The following C1QTNF1 variants were observed in gnomAD, a reference collection of about 807,000 sequenced individuals.
C1QTNF1 encodes the protein complement C1q tumor necrosis factor-related protein 1.
C1QTNF1 carries 22 observed loss-of-function variants against 27.8 expected under a neutral mutation model. The ratio of observed to expected loss-of-function variants is 0.79; its 90% CI spans 0.56 to 1.13. The LOEUF (loss-of-function observed/expected upper bound fraction) is 1.13, where lower values mean the gene tolerates loss of function less well. C1QTNF1 is among the 50% of genes most tolerant of loss of function. The pLI, the probability that C1QTNF1 is intolerant of heterozygous loss-of-function variation, is 0.00. For synonymous variants in C1QTNF1, 166 were observed against 154.3 expected, an observed-to-expected ratio of 1.08 and a Z score of -0.56; for missense variants, 373 against 380.2, an observed-to-expected ratio of 0.98 and a Z score of 0.16.
chr17:79,034,772 C>T (rs2072226023), intron 1 of C1QTNF1, among the ~76,000 whole-genome samples: 2 of 152,092 alleles, frequency 1.3e-5, no homozygotes, highest in Non-Finnish European at 2.9e-5. Context: ...AAAAACAAAC[C>T]CTCCTTCTGC....
intron 1 of C1QTNF1, among the ~76,000 whole-genome samples, chr17:79,042,731 C>T (rs550856427): frequency 5.3e-5 from 8 of 152,326 alleles, no homozygotes; most frequent in African/African-American, 1.9e-4. Flanking sequence ...CTGATGGACT[C>T]TCCTTCCCGA....
At position 79,048,046 on chromosome 17, in the gene C1QTNF1, C is replaced by T. The variant is rs772272672; in HGVS notation, c.804C>T (p.Ile268=). ...TCAGCGAGGAGCTGGACACCTACAT[C>T]ACCTTCAGTGGCTACCTGGTCAAGC... ...AIFSEELDTY[I]TFSGYLVKHA... Residue 268 remains isoleucine (I), a synonymous_variant, in exon 4 of 4, where the codon ATC becomes ATT. Coordinates refer to ENST00000579760, the MANE Select transcript of C1QTNF1 (RefSeq NM_030968.5). 4.4e-6 allele frequency: 7 copies of T among 1,590,840 alleles called. No homozygotes were observed. Among genetic ancestry groups the T allele is most frequent in the Non-Finnish European group, 5.1e-6 (6 of 1,171,422 alleles).
intron 1 of C1QTNF1, among the ~76,000 whole-genome samples, chr17:79,039,119 T>A (rs1811528382): frequency 6.6e-6 from 1 of 150,566 alleles, no homozygotes; most frequent in African/African-American, 2.4e-5. Context: ...GGAAAATCCC[T>A]TTGCTAGACT....
At chr17:79,024,023 C>T (rs2071845667), upstream of C1QTNF1, 1 of 152,776 alleles carries the variant, frequency 6.5e-6, no homozygotes, top group South Asian at 2.1e-4. Context: ...CCCACCCCCA[C>T]TCTCAGCCTG....
At chr17:79,031,535 C>T (rs1471432423) in intron 1 of C1QTNF1, among the ~76,000 whole-genome samples, 1 of 152,120 alleles carries the variant, frequency 6.6e-6, no homozygotes, top group Admixed American at 6.5e-5. Flanking sequence ...GCATCCTCGC[C>T]TCCCAGGTTC....
Position 79,048,519 on chromosome 17 carries a change from T to TAGAGAGA in C1QTNF1, c.*431_*432insAGAGAGA, listed in dbSNP as rs1306691075. The TAGAGAGA allele has an allele frequency of 1.9e-5, 3 of 154,870 alleles. No individual in the cohort carries two copies. The highest frequency in any genetic ancestry group is 4.1e-5 in the Non-Finnish European group (3 of 72,894). The allele number at this position is 154,870 out of a possible 1,614,324, so 9.6% of individuals were successfully genotyped here. On this transcript the variant is annotated 3_prime_UTR_variant, in exon 4 of 4. Transcript: ENST00000579760. ...ATTTTTGTCTTTCCAGCCAGCCTGC[T>TAGAGAGA]GGCTCCCAAGAGAGAGGCCTTTTCA...
At position 79,033,297 on chromosome 17, in the gene C1QTNF1, T is replaced by C. The variant is rs542071236; in HGVS notation, c.-15+8803T>C. Among the ~76,000 whole-genome samples the C allele has an allele frequency of 2.2e-4, 33 of 152,250 alleles. No homozygotes were observed. In the East Asian group the frequency reaches 6.2e-3, roughly 29 times the overall value. On this transcript the variant is annotated intron_variant, in intron 1 of 3. Transcript: ENST00000579760. Reference sequence around the variant, plus strand: ...ATTTTGTTTAACTGACATAGCTCCATGTGGCTCGTAGCCACTGTACTGACT... The same window carrying C: ...ATTTTGTTTAACTGACATAGCTCCACGTGGCTCGTAGCCACTGTACTGACT...
chr17:79,045,895 G>A (rs1255213279), intron 2 of C1QTNF1, among the ~76,000 whole-genome samples: 1 of 152,150 alleles, frequency 6.6e-6, no homozygotes, highest in African/African-American at 2.4e-5. Flanking sequence ...TTCCTGGATA[G>A]TCTGGGGTGC....
chr17:79,038,772 T>C (rs1808824703), intron 1 of C1QTNF1, among the ~76,000 whole-genome samples: 2 of 152,238 alleles, frequency 1.3e-5, no homozygotes, highest in Non-Finnish European at 1.5e-5. Context: ...TGGAAATCAC[T>C]AACAGTGATC....
upstream of C1QTNF1, chr17:79,023,182 A>G (rs1397760276): frequency 1.3e-5 from 2 of 152,242 alleles, no homozygotes; most frequent in Non-Finnish European, 2.9e-5. Flanking sequence ...CAGGAGGGAT[A>G]ACAAAACAAA....
At chr17:79,025,452 A>C (rs1292467732) in intron 1 of C1QTNF1, among the ~76,000 whole-genome samples, 4 of 152,132 alleles carry the variant, frequency 2.6e-5, no homozygotes, top group African/African-American at 9.7e-5. Flanking sequence ...GTTTCTAGGA[A>C]AGGAGGCAAC....
chr17:79,029,415 G>A (rs375553869), intron 1 of C1QTNF1, among the ~76,000 whole-genome samples: 5 of 152,192 alleles, frequency 3.3e-5, no homozygotes, highest in Admixed American at 6.5e-5. Flanking sequence ...GGCTGTTTGC[G>A]CATTCTAAGG....
intron 1 of C1QTNF1, among the ~76,000 whole-genome samples, chr17:79,039,837 AT>A (rs1317085690): frequency 3.3e-5 from 5 of 151,680 alleles, no homozygotes; most frequent in Non-Finnish European, 5.9e-5. Flanking sequence ...ATGTATATAT[AT>A]GTAAACATGT....
At chr17:79,044,251 G>GC in intron 2 of C1QTNF1, 128 bp downstream of exon 2, 2 of 1,128,518 alleles carry the variant, frequency 1.8e-6, no homozygotes, top group East Asian at 5.2e-5. Context: ...CTGAGCCGTG[G>GC]CCCTGCTGGA....
Position 79,037,382 on chromosome 17 carries a change from G to T in C1QTNF1, c.-14-6573G>T, listed in dbSNP as rs544175979. ...CCGACCTCGTGATCCACCCGCCTCG[G>T]CCTCCCAAAGTGCTGGGATTACAGG... On this transcript the variant is annotated intron_variant, in intron 1 of 3. Transcript: ENST00000579760. Among the ~76,000 whole-genome samples the T allele has an allele frequency of 7.9e-5, 12 of 152,276 alleles. No homozygotes were observed. The East Asian group carries it at 2.3e-3, about 29-fold the overall frequency.
At chr17:79,037,883 G>T (rs535565641) in intron 1 of C1QTNF1, among the ~76,000 whole-genome samples, 2 of 152,096 alleles carry the variant, frequency 1.3e-5, no homozygotes, top group East Asian at 3.9e-4. Flanking sequence ...TGTTGTCCAG[G>T]ATGGTCTTGA....
chr17:79,045,553 G>A (rs923409064), intron 2 of C1QTNF1, among the ~76,000 whole-genome samples: 1 of 152,194 alleles, frequency 6.6e-6, no homozygotes, highest in Non-Finnish European at 1.5e-5. Flanking sequence ...TTCTGGAGGT[G>A]CCTTTTGGCT....
Position 79,048,363 on chromosome 17 carries a change from G to T in C1QTNF1, c.*275G>T. On this transcript the variant is annotated 3_prime_UTR_variant, in exon 4 of 4. Coordinates refer to ENST00000579760, the MANE Select transcript of C1QTNF1 (RefSeq NM_030968.5). ...ACACATCCTCAAGTGACCCCGCACG[G>T]CGAGACGCGGGTGGCGGCAGGGCGT... The T allele has an allele frequency of 2.7e-6, 1 of 375,466 alleles. No individual in the cohort carries two copies. 23.3% of individuals were successfully genotyped at this position (375,466 alleles called of 1,614,324 possible).
intron 1 of C1QTNF1, among the ~76,000 whole-genome samples, chr17:79,042,595 G>C (rs1028843801): frequency 2.6e-5 from 4 of 152,364 alleles, no homozygotes; most frequent in Middle Eastern, 3.4e-3. Flanking sequence ...CCTACCCACC[G>C]GTGAAGGACC....
Sources: gnomAD v4.1 joint callset for allele counts (sites outside exome capture counted in the v4.1 genomes callset) on GRCh38, gnomAD v4.1.1 for gene constraint, MANE v1.5 for transcripts, NCBI Gene and HGNC (gene_info 2026-07-23, HGNC 2026-07-21) for gene names.